NPSR1: variants seen among roughly 807,000 people sequenced by gnomAD.
NPSR1 encodes the protein neuropeptide S receptor 1.
In NPSR1, 48 loss-of-function variants were observed where a neutral mutation model predicts 46.9. The ratio of observed to expected loss-of-function variants is 1.02; its 90% CI spans 0.81 to 1.30. The LOEUF (loss-of-function observed/expected upper bound fraction) is 1.30. NPSR1 is among the 50% of genes most tolerant of loss of function. NPSR1 has a pLI of 0.00. For synonymous variants in NPSR1, 176 were observed against 168.1 expected (o/e 1.05, Z -0.36); for missense variants, 450 against 449.5 (o/e 1.00, Z -0.01).
At chr7:34,778,272 CT>C (rs1787068296) in intron 2 of NPSR1, among the ~76,000 whole-genome samples, 189 bp from the exon 3 acceptor site, 1 of 152,064 alleles carries the variant, frequency 6.6e-6, no homozygotes, top group Non-Finnish European at 1.5e-5. Flanking sequence ...TGGTAAGAAG[CT>C]TCAGTAATAT....
At chr7:34,743,467 G>A (rs1345241506) in intron 2 of NPSR1, among the ~76,000 whole-genome samples, 14 of 150,436 alleles carry the variant, frequency 9.3e-5, no homozygotes, top group Admixed American at 4.0e-4. Flanking sequence ...TGTAGATGGA[G>A]TCTCACTCTG....
chr7:34,744,670 T>G (rs1243877564), intron 2 of NPSR1, among the ~76,000 whole-genome samples: 1 of 152,224 alleles, frequency 6.6e-6, no homozygotes, highest in Non-Finnish European at 1.5e-5. Context: ...CTTCTGCTCA[T>G]GATGAATAAT....
At chr7:34,797,723 A>G (rs1343977547) in intron 3 of NPSR1, among the ~76,000 whole-genome samples, 3 of 152,204 alleles carry the variant, frequency 2.0e-5, no homozygotes, top group Admixed American at 2.0e-4. Flanking sequence ...ATGTACCTCT[A>G]GGCATATCAT....
chr7:34,720,034 C>G (rs536158730), intron 2 of NPSR1, among the ~76,000 whole-genome samples: 8 of 151,080 alleles, frequency 5.3e-5, no homozygotes, highest in African/African-American at 1.9e-4. Flanking sequence ...GTAATCCCAG[C>G]ACTTTGGGAG....
intron 5 of NPSR1, among the ~76,000 whole-genome samples, chr7:34,832,312 C>T (rs1790157467): frequency 6.6e-6 from 1 of 152,082 alleles, no homozygotes; most frequent in East Asian, 1.9e-4. Flanking sequence ...GGCAGGTGGA[C>T]CTCTTGGGCC....
chr7:34,664,228 C>T (rs1011949302), intron 1 of NPSR1, among the ~76,000 whole-genome samples: 1 of 152,230 alleles, frequency 6.6e-6, no homozygotes, highest in East Asian at 1.9e-4. Context: ...GGTCAAATCC[C>T]AGTGCCACAC....
At chr7:34,751,872 G>C in intron 2 of NPSR1, 2 of 1,572,698 alleles carry the variant, frequency 1.3e-6, no homozygotes, top group East Asian at 2.2e-5. Flanking sequence ...TCCAGAGTGG[G>C]TCTGGTGGAC....
At chr7:34,725,786 C>T (rs1188730179) in intron 2 of NPSR1, among the ~76,000 whole-genome samples, 2 of 152,084 alleles carry the variant, frequency 1.3e-5, no homozygotes, top group Non-Finnish European at 2.9e-5. Flanking sequence ...TGGCTGTGTC[C>T]CCACCAAAAT....
At chr7:34,720,253 C>T (rs1783784425) in intron 2 of NPSR1, among the ~76,000 whole-genome samples, 1 of 149,628 alleles carries the variant, frequency 6.7e-6, no homozygotes, top group Non-Finnish European at 1.5e-5. Context: ...ACACTCCCGC[C>T]TGGGCAACAG....
chr7:34,676,004 C>T (rs114713094), intron 1 of NPSR1, among the ~76,000 whole-genome samples: 1 of 152,122 alleles, frequency 6.6e-6, no homozygotes, highest in African/African-American at 2.4e-5. Context: ...TGTGTTGGGA[C>T]ACCATCAGCA....
chr7:34,864,943 A>T (rs1169236350), intron 8 of NPSR1, among the ~76,000 whole-genome samples: 1 of 151,860 alleles, frequency 6.6e-6, no homozygotes, highest in Non-Finnish European at 1.5e-5. Context: ...CCTTATGGTT[A>T]ACTCTGTTCA....
rs190634615 is a variant in NPSR1 at position 34,864,086 on chromosome 7, G to A, written c.1026-13990G>A. 2.8e-3 allele frequency among the ~76,000 whole-genome samples: 422 copies of A among 151,822 alleles called. 4 individuals carry two copies. The highest frequency in any genetic ancestry group is 0.01 in the Middle Eastern group (3 of 294). On this transcript the variant is annotated intron_variant, in intron 8 of 8. Transcript: ENST00000359791. ...TGTCCTTTGCAGGGACATAGATGAA[G>A]CTGGAAACCATCATTCTCAGCAAAC...
chr7:34,677,990 C>A (rs2128679085), intron 1 of NPSR1, among the ~76,000 whole-genome samples: 1 of 152,316 alleles, frequency 6.6e-6, no homozygotes, highest in East Asian at 1.9e-4. Flanking sequence ...TTGCCTCCTT[C>A]TTTGGCTGCT....
At chr7:34,754,671 G>T (rs1471938374) in intron 2 of NPSR1, among the ~76,000 whole-genome samples, 1 of 152,028 alleles carries the variant, frequency 6.6e-6, no homozygotes, top group African/African-American at 2.4e-5. Flanking sequence ...CCCATTAAAA[G>T]TATAAAACTG....
chr7:34,701,617 T>A (rs1209868309), intron 2 of NPSR1, among the ~76,000 whole-genome samples: 1 of 152,250 alleles, frequency 6.6e-6, no homozygotes, highest in Non-Finnish European at 1.5e-5. Context: ...GACACAGCTA[T>A]CGAACCTAGG....
rs984272915 is a variant in NPSR1 at position 34,849,324 on chromosome 7, G to T, written c.1026-241G>T. 7 of 1,545,134 alleles carry T rather than the reference G, an allele frequency of 4.5e-6. No individual in the cohort carries two copies. In the Admixed American group the frequency reaches 9.8e-5, roughly 22 times the overall value. On this transcript the variant is annotated intron_variant, in intron 8 of 8. Transcript: ENST00000360581. ...TCAGCTTCTTCATCTGTAAAACAGG[G>T]CTAATAGCAGTGTCTACCTGTTGGC...
intron 3 of NPSR1, among the ~76,000 whole-genome samples, chr7:34,807,223 G>A (rs550257763): frequency 1.1e-4 from 16 of 152,130 alleles, no homozygotes; most frequent in South Asian, 6.2e-4. Flanking sequence ...TGTGATTTGC[G>A]TAAGTCTTAC....
chr7:34,842,219 C>T (rs564563901), intron 6 of NPSR1, among the ~76,000 whole-genome samples: 2 of 152,262 alleles, frequency 1.3e-5, no homozygotes, highest in South Asian at 2.1e-4. Flanking sequence ...GAACTGAAGC[C>T]GGGAACTTTA....
intron 2 of NPSR1, among the ~76,000 whole-genome samples, chr7:34,712,045 T>A (rs984393166): frequency 6.6e-5 from 10 of 152,236 alleles, no homozygotes; most frequent in Non-Finnish European, 1.0e-4. Context: ...TATTTCCCCA[T>A]AATGATTGAC....
Sources: allele counts gnomAD v4.1 joint callset (sites outside exome capture counted in the v4.1 genomes callset), GRCh38; gene constraint gnomAD v4.1.1; transcripts MANE v1.5; gene names NCBI Gene and HGNC (gene_info 2026-07-23, HGNC 2026-07-21).